The following PRMT3 variants were observed in gnomAD, a reference collection of about 807,000 sequenced individuals.
The protein encoded by PRMT3 is protein arginine N-methyltransferase 3.
PRMT3 carries 62 observed loss-of-function variants against 71.9 expected under a neutral mutation model. That is an observed-to-expected ratio of 0.86 (90% CI 0.70 to 1.07). The LOEUF is 1.07. Among genes scored for constraint, PRMT3 ranks in the 50% least tolerant of loss-of-function variants. PRMT3 has a pLI of 0.00. For missense variants in PRMT3, 663 were observed against 643.0 expected (o/e 1.03, Z -0.34); for synonymous variants, 213 against 220.4 (o/e 0.97, Z 0.30).
chr11:20,437,191 A>T, intron 10 of PRMT3, among the ~76,000 whole-genome samples: 2 of 150,234 alleles, frequency 1.3e-5, no homozygotes. Context: ...ATGGTGTGTC[A>T]ATTTTGCTTA....
At chr11:20,480,581 A>C (rs1391498621) in intron 13 of PRMT3, among the ~76,000 whole-genome samples, 1 of 152,112 alleles carries the variant, frequency 6.6e-6, no homozygotes, top group Non-Finnish European at 1.5e-5. Flanking sequence ...CCCTTTAGAA[A>C]GATTGTGGCT....
At chr11:20,399,494 T>C (rs889824498) in intron 7 of PRMT3, among the ~76,000 whole-genome samples, 2 of 152,172 alleles carry the variant, frequency 1.3e-5, no homozygotes, top group East Asian at 1.9e-4. Context: ...TGAAAAGAAA[T>C]TGACTTGCTT....
chr11:20,435,825 G>T (rs1396280343), intron 10 of PRMT3, among the ~76,000 whole-genome samples: 3 of 152,152 alleles, frequency 2.0e-5, no homozygotes, highest in Non-Finnish European at 4.4e-5. Flanking sequence ...ATCTTTTGTG[G>T]TTTCATGCAA....
intron 10 of PRMT3, among the ~76,000 whole-genome samples, chr11:20,429,504 C>G (rs1233320951): frequency 6.6e-6 from 1 of 152,212 alleles, no homozygotes; most frequent in South Asian, 2.1e-4. Context: ...TAAGACCTCT[C>G]TCTTCATCAG....
In PRMT3 at chr11:20,462,183, A is replaced by C. The variant is rs1317466176; in HGVS notation, c.1260+16A>C. On this transcript the variant is annotated intron_variant, in intron 12 of 15. Coordinates refer to ENST00000331079, the MANE Select transcript of PRMT3 (RefSeq NM_005788.4). ...TGGTATTAAGGTAGGTGTTTTACCA[A>C]CTTTATTTTTTATAATGGTATTGCT... 14 of 1,536,162 alleles carry C rather than the reference A, an allele frequency of 9.1e-6. No homozygotes were observed. The Middle Eastern group carries it at 5.2e-4, about 58-fold the overall frequency.
chr11:20,470,650 A>G (rs1223843641), intron 13 of PRMT3, among the ~76,000 whole-genome samples: 1 of 152,122 alleles, frequency 6.6e-6, no homozygotes, highest in African/African-American at 2.4e-5. Context: ...ATTAATGGGC[A>G]TTTAGGTTGA....
At chr11:20,392,868 A>G in intron 4 of PRMT3, 29 bp from the exon 5 acceptor site, 2 of 1,402,774 alleles carry the variant, frequency 1.4e-6, no homozygotes, top group Non-Finnish European at 2.0e-6. Flanking sequence ...TATGTAATGA[A>G]AAAAACATGA....
Position 20,453,481 on chromosome 11 carries a change from G to GA in PRMT3, c.1072+1288dup, listed in dbSNP as rs577245603. ...GGTGACAGAGCGAGACTCCATCTCAGAAAAAAAAAAAAAAATCAGTAAGGC... is the reference window on the plus strand; with the variant it reads ...GGTGACAGAGCGAGACTCCATCTCAGAAAAAAAAAAAAAAAATCAGTAAGGC... On this transcript the variant is annotated intron_variant, in intron 11 of 15. Coordinates refer to ENST00000331079, the MANE Select transcript of PRMT3 (RefSeq NM_005788.4). 3.0e-3 allele frequency among the ~76,000 whole-genome samples: 356 copies of GA among 120,118 alleles called. 1 individual carries two copies. The highest frequency in any genetic ancestry group is 5.6e-3 in the South Asian group (21 of 3,732). 78.8% of individuals were successfully genotyped at this position (120,118 alleles called of 152,430 possible). A position where few individuals can be genotyped will look rare whatever the true frequency, so the allele number is the denominator to read the frequency against.
At chr11:20,480,944 T>G (rs1396683668) in intron 13 of PRMT3, among the ~76,000 whole-genome samples, 3 of 152,158 alleles carry the variant, frequency 2.0e-5, no homozygotes, top group African/African-American at 7.2e-5. Context: ...AGTAGTGATA[T>G]CCAGTAGGAA....
chr11:20,479,647 G>C (rs1161355414), intron 13 of PRMT3, among the ~76,000 whole-genome samples: 1 of 152,114 alleles, frequency 6.6e-6, no homozygotes, highest in East Asian at 1.9e-4. Flanking sequence ...TTCTCTAATT[G>C]TGTATGTTTG....
chr11:20,480,350 A>C (rs1015547239), intron 13 of PRMT3, among the ~76,000 whole-genome samples: 3 of 152,278 alleles, frequency 2.0e-5, no homozygotes, highest in Admixed American at 6.5e-5. Context: ...CGTTAGCTAG[A>C]TATCTGTTTT....
At chr11:20,430,064 A>C (rs1277404728) in intron 10 of PRMT3, among the ~76,000 whole-genome samples, 1 of 152,210 alleles carries the variant, frequency 6.6e-6, no homozygotes, top group Non-Finnish European at 1.5e-5. Flanking sequence ...CAGTAGGCAA[A>C]TGGTAAACAA....
intron 11 of PRMT3, among the ~76,000 whole-genome samples, chr11:20,461,160 A>C (rs767584319): frequency 6.6e-6 from 1 of 152,118 alleles, no homozygotes; most frequent in Non-Finnish European, 1.5e-5. Context: ...TCTCTCAATT[A>C]GATTGTATAT....
chr11:20,390,409 T>C (rs979357850), intron 3 of PRMT3, among the ~76,000 whole-genome samples: 9 of 152,178 alleles, frequency 5.9e-5, no homozygotes, highest in African/African-American at 2.2e-4. Flanking sequence ...TGATTACATA[T>C]TAGATTTAGG....
At chr11:20,487,065 AAAAAAAG>A (rs1419289649) in intron 13 of PRMT3, among the ~76,000 whole-genome samples, 1 of 151,864 alleles carries the variant, frequency 6.6e-6, no homozygotes, top group East Asian at 1.9e-4. Context: ...TCAAGAAAAA[AAAAAAAG>A]AAGAAGAAGA....
At chr11:20,490,811 G>GTTA (rs1361584074) in intron 13 of PRMT3, among the ~76,000 whole-genome samples, 1 of 9,372 alleles carries the variant, frequency 1.1e-4, no homozygotes, top group Non-Finnish European at 1.1e-3. Flanking sequence ...TGGGTTTTCT[G>GTTA]TTCTTGTTGT....
intron 10 of PRMT3, among the ~76,000 whole-genome samples, chr11:20,449,783 C>A (rs1850108664): frequency 6.6e-6 from 1 of 151,952 alleles, no homozygotes; most frequent in African/African-American, 2.4e-5. Flanking sequence ...TAATATTACA[C>A]ATAGTATTAA....
intron 15 of PRMT3, 93 bp from the exon 16 acceptor site, chr11:20,508,211 T>G: frequency 3.6e-6 from 2 of 559,854 alleles, no homozygotes; most frequent in Non-Finnish European, 6.3e-6. Flanking sequence ...TGGGAAAACA[T>G]CACAATAAAA....
At chr11:20,502,668 G>A (rs1436026911) in intron 15 of PRMT3, among the ~76,000 whole-genome samples, 2 of 152,112 alleles carry the variant, frequency 1.3e-5, no homozygotes, top group Non-Finnish European at 2.9e-5. Flanking sequence ...AGATTTATAA[G>A]CACTATGGAA....
Sources: allele counts gnomAD v4.1 joint callset (sites outside exome capture counted in the v4.1 genomes callset), GRCh38; gene constraint gnomAD v4.1.1; transcripts MANE v1.5; gene names NCBI Gene and HGNC (gene_info 2026-07-23, HGNC 2026-07-21).